PARPBP: variants seen among roughly 807,000 people sequenced by gnomAD.
PARPBP encodes PARP1 binding protein.
In PARPBP, 52 loss-of-function variants were observed where a neutral mutation model predicts 50.0. The ratio of observed to expected loss-of-function variants is 1.04; its 90% CI spans 0.83 to 1.31. PARPBP has a LOEUF of 1.31. PARPBP is among the 50% of genes most tolerant of loss of function. The pLI, the probability that PARPBP is intolerant of heterozygous loss-of-function variation, is 0.00. For missense variants in PARPBP, 697 were observed against 672.0 expected, an observed-to-expected ratio of 1.04 and a Z score of -0.41; for synonymous variants, 244 against 232.1, an observed-to-expected ratio of 1.05 and a Z score of -0.47.
chr12:102,124,612 G>A (rs1004271878), intron 2 of PARPBP, among the ~76,000 whole-genome samples: 1 of 152,180 alleles, frequency 6.6e-6, no homozygotes, highest in African/African-American at 2.4e-5. Context: ...TTTAGATAAA[G>A]GAAGAGAAGG....
chr12:102,163,678 A>G (rs1026017851), intron 4 of PARPBP, among the ~76,000 whole-genome samples: 10 of 152,122 alleles, frequency 6.6e-5, no homozygotes, highest in Non-Finnish European at 7.4e-5. Flanking sequence ...TGGTTTGTCT[A>G]TAAGTTCAAC....
intron 8 of PARPBP, among the ~76,000 whole-genome samples, 191 bp from the exon 9 acceptor site, chr12:102,182,358 A>G (rs1458998607): frequency 6.6e-6 from 1 of 152,068 alleles, no homozygotes; most frequent in Non-Finnish European, 1.5e-5. Context: ...TGTTCGGTGG[A>G]TTGGGTGTAT....
At position 102,195,412 on chromosome 12, in the gene PARPBP, C is replaced by T. The variant is rs1891205006; in HGVS notation, c.1364C>T (p.Pro455Leu). The change falls in exon 10 of 11, where the codon CCT (proline) becomes CTT (leucine). Residue 455 changes from proline (P) to leucine (L), a missense_variant. Pro to Leu is a moderately conservative substitution (Grantham distance 98). Coordinates refer to ENST00000327680, the MANE Select transcript of PARPBP (RefSeq NM_017915.5). ...NWNNVNLASKPLCVLYMENDL... is the reference protein window; with the variant it reads ...NWNNVNLASKLLCVLYMENDL... The stretch of plus-strand genomic sequence containing the variant: ...AATAATGTTAATTTAGCATCAAAGC[C>T]TTTGTGTGTTCTTTACATGGAAAAT... 2 of 1,594,644 alleles carry T rather than the reference C, an allele frequency of 1.3e-6. No homozygotes were observed. The highest frequency in any genetic ancestry group is 2.7e-5 in the African/African-American group (2 of 73,842).
At position 102,120,195 on chromosome 12, in the gene PARPBP, G is replaced by A. The variant is rs567571276; in HGVS notation, c.-95G>A. 2.5e-5 allele frequency: 6 copies of A among 241,304 alleles called. No individual in the cohort carries two copies. The highest frequency in any genetic ancestry group is 5.2e-5 in the Non-Finnish European group (6 of 114,604). 14.9% of individuals were successfully genotyped at this position (241,304 alleles called of 1,614,324 possible). On this transcript the variant is annotated 5_prime_UTR_variant, in exon 1 of 11. Transcript: ENST00000327680. ...CGAGGTTTGAACTGTATTCAGCGGCGACAGCGGCGACTGCGGCGGCCGCGG... is the reference window on the plus strand; with the variant it reads ...CGAGGTTTGAACTGTATTCAGCGGCAACAGCGGCGACTGCGGCGGCCGCGG...
chr12:102,185,053 A>G (rs532145863), intron 9 of PARPBP, among the ~76,000 whole-genome samples: 1 of 152,316 alleles, frequency 6.6e-6, no homozygotes, highest in South Asian at 2.1e-4. Context: ...TATATGGAGT[A>G]AATTAACTCA....
intron 1 of PARPBP, among the ~76,000 whole-genome samples, chr12:102,120,779 A>G (rs1286925571): frequency 1.3e-5 from 2 of 152,216 alleles, no homozygotes; most frequent in Admixed American, 1.3e-4. Flanking sequence ...TCTGTGAGGT[A>G]GGAATTCCCT....
chr12:102,178,088 T>C (rs1368808274), intron 7 of PARPBP, among the ~76,000 whole-genome samples: 1 of 152,256 alleles, frequency 6.6e-6, no homozygotes, highest in Non-Finnish European at 1.5e-5. Flanking sequence ...CAATGGTTGT[T>C]ACCTTTGGAA....
intron 2 of PARPBP, among the ~76,000 whole-genome samples, chr12:102,145,265 C>T (rs1885194074): frequency 6.6e-6 from 1 of 151,422 alleles, no homozygotes; most frequent in Non-Finnish European, 1.5e-5. Context: ...ACTTGAATAC[C>T]CACCCATCTT....
intron 8 of PARPBP, 143 bp from the exon 9 acceptor site, chr12:102,182,406 G>A (rs893682136): frequency 3.3e-6 from 2 of 608,678 alleles, no homozygotes; most frequent in African/African-American, 3.7e-5. Context: ...TTTAATTTAT[G>A]ATGAGTTTAT....
At chr12:102,128,475 C>A (rs1013959658) in intron 2 of PARPBP, among the ~76,000 whole-genome samples, 2 of 152,208 alleles carry the variant, frequency 1.3e-5, no homozygotes, top group Non-Finnish European at 2.9e-5. Flanking sequence ...TCGTGATCTG[C>A]CCACCTCGGC....
chr12:102,167,677 A>G (rs1340546142), intron 6 of PARPBP, among the ~76,000 whole-genome samples: 2 of 152,112 alleles, frequency 1.3e-5, no homozygotes, highest in Non-Finnish European at 2.9e-5. Flanking sequence ...AAATCTGGCT[A>G]GCAATATTCT....
intron 6 of PARPBP, among the ~76,000 whole-genome samples, chr12:102,170,200 T>C (rs1004658667): frequency 1.3e-5 from 2 of 152,260 alleles, no homozygotes; most frequent in African/African-American, 4.8e-5. Context: ...TTCCCTGTTG[T>C]TCAGAAGTTG....
At chr12:102,157,799 A>G (rs911395463) in intron 4 of PARPBP, among the ~76,000 whole-genome samples, 3 of 151,236 alleles carry the variant, frequency 2.0e-5, no homozygotes, top group Admixed American at 1.3e-4. Context: ...CCTGACTTGA[A>G]TCAGTTATTT....
At chr12:102,135,611 G>A (rs1483408415) in intron 2 of PARPBP, among the ~76,000 whole-genome samples, 4 of 151,650 alleles carry the variant, frequency 2.6e-5, no homozygotes, top group African/African-American at 9.7e-5. Flanking sequence ...TAGTGGCCAG[G>A]AAATAAAGAT....
intron 4 of PARPBP, among the ~76,000 whole-genome samples, chr12:102,155,552 G>T (rs1400530929): frequency 7.6e-6 from 1 of 131,806 alleles, no homozygotes. Context: ...GCTAAAACAG[G>T]AGGTAAAGAA....
intron 4 of PARPBP, among the ~76,000 whole-genome samples, chr12:102,158,468 T>C (rs1219835987): frequency 6.6e-6 from 1 of 152,240 alleles, no homozygotes; most frequent in Admixed American, 6.5e-5. Flanking sequence ...TTTGTGTCTT[T>C]TTTACATGCT....
At chr12:102,138,851 C>G in intron 2 of PARPBP, among the ~76,000 whole-genome samples, 1 of 152,268 alleles carries the variant, frequency 6.6e-6, no homozygotes, top group East Asian at 1.9e-4. Flanking sequence ...ATCTATATCT[C>G]TGTTTTGGTA....
At chr12:102,139,778 A>G (rs535657487) in intron 2 of PARPBP, among the ~76,000 whole-genome samples, 1 of 152,172 alleles carries the variant, frequency 6.6e-6, no homozygotes, top group Non-Finnish European at 1.5e-5. Flanking sequence ...TATATGATGG[A>G]CTACATTTAT....
In PARPBP at chr12:102,197,434, A is replaced by C; in HGVS notation, c.*1143A>C. ...TGACTGTTTGCATATACTTCTGTTTATAAAAGTATCAGTTTTACTTTTCAG... is the reference window on the plus strand; with the variant it reads ...TGACTGTTTGCATATACTTCTGTTTCTAAAAGTATCAGTTTTACTTTTCAG... On this transcript the variant is annotated 3_prime_UTR_variant, in exon 11 of 11. Coordinates refer to ENST00000327680, the MANE Select transcript of PARPBP (RefSeq NM_017915.5). 8.2e-7 allele frequency: 1 copy of C among 1,219,616 alleles called. No individual in the cohort carries two copies. Among genetic ancestry groups the C allele is most frequent in the Admixed American group, 2.2e-5 (1 of 45,970 alleles). 75.5% of individuals were successfully genotyped at this position (1,219,616 alleles called of 1,614,324 possible).
Sources: gnomAD v4.1 joint callset for allele counts (sites outside exome capture counted in the v4.1 genomes callset) on GRCh38, gnomAD v4.1.1 for gene constraint, MANE v1.5 for transcripts, NCBI Gene and HGNC (gene_info 2026-07-23, HGNC 2026-07-21) for gene names.